Variants in CLNK observed in about 807,000 individuals in gnomAD.
The protein encoded by CLNK is cytokine-dependent hematopoietic cell linker.
Under a neutral mutation model 68.6 loss-of-function variants are expected in CLNK, and 74 were observed. The ratio of observed to expected loss-of-function variants is 1.08; its 90% confidence interval spans 0.89 to 1.31. CLNK has a LOEUF of 1.31. Among genes scored for constraint, CLNK ranks in the 50% most tolerant of loss-of-function variants. The pLI is 0.00. For missense variants in CLNK, 553 were observed against 515.3 expected (o/e 1.07, Z -0.71); for synonymous variants, 198 against 172.2 (o/e 1.15, Z -1.17).
the CLNK span, among the ~76,000 whole-genome samples, chr4:10,732,778 G>A: frequency 6.6e-6 from 1 of 151,436 alleles, no homozygotes; most frequent in Non-Finnish European, 1.5e-5. Context: ...GAAGCCAAGT[G>A]AGTCAGGTGT....
At chr4:10,537,900 A>T (rs1261232995) in intron 11 of CLNK, among the ~76,000 whole-genome samples, 1 of 150,992 alleles carries the variant, frequency 6.6e-6, no homozygotes, top group Non-Finnish European at 1.5e-5. Flanking sequence ...TATCATACGA[A>T]GATGGTTATT....
At chr4:10,598,161 T>C (rs567365416) in intron 2 of CLNK, 112 bp from the exon 3 acceptor site, 73 of 693,422 alleles carry the variant, frequency 1.1e-4, no homozygotes, top group Non-Finnish European at 1.5e-4. Context: ...TAAGTAATTA[T>C]GTCTCACACA....
the CLNK span, among the ~76,000 whole-genome samples, chr4:10,710,121 G>GT: frequency 1.3e-5 from 2 of 152,198 alleles, no homozygotes; most frequent in Admixed American, 1.3e-4. Flanking sequence ...AGGGGGTTCT[G>GT]TTAATAAGTA....
intron 6 of CLNK, among the ~76,000 whole-genome samples, chr4:10,565,279 C>T (rs1369143166): frequency 6.6e-6 from 1 of 152,206 alleles, no homozygotes; most frequent in Non-Finnish European, 1.5e-5. Context: ...TCAATGAATG[C>T]TTACTGAATG....
At chr4:10,548,518 C>G (rs147470945) in intron 8 of CLNK, among the ~76,000 whole-genome samples, 2 of 152,274 alleles carry the variant, frequency 1.3e-5, no homozygotes, top group African/African-American at 4.8e-5. Context: ...TGTAGCCCTA[C>G]TTGTTTATTT....
At chr4:10,591,673 G>A (rs58159883) in intron 3 of CLNK, among the ~76,000 whole-genome samples, 31,344 of 152,172 alleles carry the variant, frequency 0.21, 3,369 homozygotes, top group African/African-American at 0.25. Flanking sequence ...TGCCTGGCAC[G>A]TAGTAGGAAA....
intron 2 of CLNK, among the ~76,000 whole-genome samples, chr4:10,648,555 C>G (rs932057348): frequency 1.3e-5 from 2 of 152,180 alleles, no homozygotes; most frequent in Non-Finnish European, 2.9e-5. Context: ...AAATGTTCTG[C>G]TACTTCAAGC....
intron 2 of CLNK, among the ~76,000 whole-genome samples, chr4:10,604,212 G>A (rs1268429224): frequency 1.3e-5 from 2 of 152,182 alleles, no homozygotes; most frequent in African/African-American, 4.8e-5. Context: ...GAATATCATA[G>A]TTGAACAACC....
chr4:10,697,858 A>G, the CLNK span, among the ~76,000 whole-genome samples: 2 of 152,202 alleles, frequency 1.3e-5, no homozygotes, highest in South Asian at 4.1e-4. Context: ...TTGAATTGTG[A>G]GAATAAAACG....
At chr4:10,510,386 A>G (rs1717527367) in intron 16 of CLNK, among the ~76,000 whole-genome samples, 1 of 152,228 alleles carries the variant, frequency 6.6e-6, no homozygotes, top group African/African-American at 2.4e-5. Context: ...GACAGCCATT[A>G]GCAGGTGATG....
intron 2 of CLNK, among the ~76,000 whole-genome samples, chr4:10,657,370 G>A (rs1724027785): frequency 6.6e-6 from 1 of 152,190 alleles, no homozygotes; most frequent in East Asian, 1.9e-4. Flanking sequence ...CAGAATTAAT[G>A]GTAATTCATA....
chr4:10,607,789 G>C (rs1273456733), intron 2 of CLNK, among the ~76,000 whole-genome samples: 2 of 152,180 alleles, frequency 1.3e-5, no homozygotes, highest in African/African-American at 4.8e-5. Flanking sequence ...TGAGGGCTTG[G>C]CTGTGTGATT....
At chr4:10,702,506 A>C in the CLNK span, among the ~76,000 whole-genome samples, 19 of 152,294 alleles carry the variant, frequency 1.2e-4, no homozygotes, top group Non-Finnish European at 2.6e-4. Context: ...CACAGGATGG[A>C]TAGAGAAAGA....
At chr4:10,552,740 C>T (rs540274948) in intron 8 of CLNK, among the ~76,000 whole-genome samples, 9 of 152,164 alleles carry the variant, frequency 5.9e-5, no homozygotes, top group Non-Finnish European at 1.3e-4. Flanking sequence ...TGTGTATGAA[C>T]ATCTCCCACG....
chr4:10,533,558 C>T (rs1718633808), intron 11 of CLNK, among the ~76,000 whole-genome samples: 1 of 152,210 alleles, frequency 6.6e-6, no homozygotes, highest in African/African-American at 2.4e-5. Context: ...AAGCAACAGG[C>T]AACTGTACCA....
At chr4:10,726,822 G>A in the CLNK span, among the ~76,000 whole-genome samples, 6 of 152,148 alleles carry the variant, frequency 3.9e-5, no homozygotes, top group East Asian at 1.9e-4. Flanking sequence ...CATCCTTCCC[G>A]TGGGTATGAC....
chr4:10,642,345 G>A (rs1471327949), intron 2 of CLNK, among the ~76,000 whole-genome samples: 3 of 152,124 alleles, frequency 2.0e-5, no homozygotes, highest in Admixed American at 1.3e-4. Context: ...AAAGGCCAAG[G>A]CAACAGGAAA....
chr4:10,615,167 A>G (rs941234697), intron 2 of CLNK, among the ~76,000 whole-genome samples: 13 of 151,564 alleles, frequency 8.6e-5, no homozygotes, highest in African/African-American at 3.2e-4. Flanking sequence ...AGCCTGAGCA[A>G]CAGGGTGAGA....
At chr4:10,512,700 T>G (rs1717644559) in intron 16 of CLNK, among the ~76,000 whole-genome samples, 1 of 151,944 alleles carries the variant, frequency 6.6e-6, no homozygotes, top group Admixed American at 6.6e-5. Flanking sequence ...ACGAACTCTG[T>G]AGCAGGACAG....
Sources: gnomAD v4.1 joint callset for allele counts (sites outside exome capture counted in the v4.1 genomes callset) on GRCh38, gnomAD v4.1.1 for gene constraint, MANE v1.5 for transcripts, NCBI Gene and HGNC (gene_info 2026-07-23, HGNC 2026-07-21) for gene names.